The following ROR1 variants were observed in gnomAD, a reference collection of about 807,000 sequenced individuals.
The protein encoded by ROR1 is ROR family WNT receptor 1.
In ROR1, 19 loss-of-function variants were observed where a neutral mutation model predicts 78.8. That is an observed-to-expected ratio of 0.24 (90% CI 0.17 to 0.35). The LOEUF is 0.35. ROR1 is among the 10% of genes least tolerant of loss of function. The pLI, the probability that ROR1 is intolerant of heterozygous loss-of-function variation, is 1.00. For synonymous variants in ROR1, 386 were observed against 433.6 expected, an observed-to-expected ratio of 0.89 and a Z score of 1.36; for missense variants, 917 against 1,177.8, an observed-to-expected ratio of 0.78 and a Z score of 3.24.
At chr1:63,810,692 A>G (rs1003060331) in intron 1 of ROR1, among the ~76,000 whole-genome samples, 13 of 152,348 alleles carry the variant, frequency 8.5e-5, no homozygotes, top group Middle Eastern at 6.8e-3. Flanking sequence ...AGATGGAGGT[A>G]TCCACGTATG....
intron 2 of ROR1, among the ~76,000 whole-genome samples, chr1:64,026,901 C>T (rs937310891): frequency 6.6e-6 from 1 of 152,012 alleles, no homozygotes; most frequent in Non-Finnish European, 1.5e-5. Context: ...GGGTGGGGAC[C>T]CCAACCATAT....
At chr1:63,869,016 C>T (rs1372809301) in intron 1 of ROR1, among the ~76,000 whole-genome samples, 1 of 152,206 alleles carries the variant, frequency 6.6e-6, no homozygotes, top group African/African-American at 2.4e-5. Flanking sequence ...TTGTCCCCCA[C>T]AACCTTCTCT....
intron 8 of ROR1, among the ~76,000 whole-genome samples, chr1:64,166,462 A>G (rs1650091788): frequency 6.6e-6 from 1 of 152,194 alleles, no homozygotes; most frequent in African/African-American, 2.4e-5. Context: ...GGCCATTTTA[A>G]TGATATTGAT....
At chr1:64,120,193 A>G (rs1034507875) in intron 4 of ROR1, among the ~76,000 whole-genome samples, 4 of 151,870 alleles carry the variant, frequency 2.6e-5, no homozygotes, top group Non-Finnish European at 5.9e-5. Context: ...ATATCCAGAG[A>G]GCAGGATTCT....
At chr1:64,023,999 G>A (rs970486565) in intron 2 of ROR1, among the ~76,000 whole-genome samples, 1 of 152,126 alleles carries the variant, frequency 6.6e-6, no homozygotes, top group Non-Finnish European at 1.5e-5. Flanking sequence ...AAAGTGTGTG[G>A]CAGTTCCTCT....
At chr1:63,934,646 T>C (rs912192583) in intron 1 of ROR1, among the ~76,000 whole-genome samples, 1 of 152,250 alleles carries the variant, frequency 6.6e-6, no homozygotes, top group African/African-American at 2.4e-5. Context: ...AACACTTATT[T>C]AAATTTAACA....
At chr1:64,088,364 C>T (rs1265351544) in intron 4 of ROR1, among the ~76,000 whole-genome samples, 1 of 152,142 alleles carries the variant, frequency 6.6e-6, no homozygotes. Flanking sequence ...GCCACAGAGA[C>T]TGGTCCAAGG....
intron 1 of ROR1, chr1:63,843,096 C>T: frequency 1.7e-6 from 1 of 578,560 alleles, no homozygotes; most frequent in East Asian, 3.3e-5. Flanking sequence ...TGGGATCCCC[C>T]CAGCCCCTCT....
intron 4 of ROR1, among the ~76,000 whole-genome samples, chr1:64,122,129 C>T (rs1416483458): frequency 6.6e-6 from 1 of 152,150 alleles, no homozygotes; most frequent in Non-Finnish European, 1.5e-5. Context: ...TTTGTCTGAA[C>T]CCGAGATGTT....
At chr1:63,839,095 A>G (rs1013452533) in intron 1 of ROR1, among the ~76,000 whole-genome samples, 1 of 152,216 alleles carries the variant, frequency 6.6e-6, no homozygotes, top group African/African-American at 2.4e-5. Flanking sequence ...TTCTCAGAAC[A>G]TATCTGTTGT....
chr1:64,035,879 C>T (rs1244873002), intron 2 of ROR1, among the ~76,000 whole-genome samples: 1 of 152,104 alleles, frequency 6.6e-6, no homozygotes. Flanking sequence ...TGTTAAATTC[C>T]CCATCCACCT....
chr1:64,172,061 G>A (rs574042696), intron 8 of ROR1, among the ~76,000 whole-genome samples: 6 of 152,218 alleles, frequency 3.9e-5, no homozygotes, highest in Admixed American at 2.6e-4. Context: ...TCCATCTACA[G>A]CCACCAAGGT....
chr1:64,172,357 A>G (rs1650265567), intron 8 of ROR1, among the ~76,000 whole-genome samples: 1 of 152,246 alleles, frequency 6.6e-6, no homozygotes, highest in East Asian at 1.9e-4. Context: ...TAAAGAAAGA[A>G]GCATCTTGGA....
intron 1 of ROR1, among the ~76,000 whole-genome samples, chr1:63,909,894 G>A (rs1356826849): frequency 6.6e-6 from 1 of 152,126 alleles, no homozygotes; most frequent in Non-Finnish European, 1.5e-5. Context: ...TTGGCGTGCT[G>A]CAAAAAATAT....
intron 1 of ROR1, among the ~76,000 whole-genome samples, chr1:63,881,267 A>T: frequency 6.6e-6 from 1 of 152,192 alleles, no homozygotes; most frequent in East Asian, 1.9e-4. Context: ...AGAGTGTTCC[A>T]TGGGAAAACA....
intron 4 of ROR1, among the ~76,000 whole-genome samples, chr1:64,063,103 GAATGATA>G (rs1454036536): frequency 6.6e-6 from 1 of 152,306 alleles, no homozygotes. Context: ...TTGTAACCAA[GAATGATA>G]AATTGTGGAG....
intron 4 of ROR1, among the ~76,000 whole-genome samples, chr1:64,075,358 A>G (rs1490317285): frequency 6.6e-6 from 1 of 152,164 alleles, no homozygotes; most frequent in Admixed American, 6.5e-5. Flanking sequence ...CCAGATCACC[A>G]CAGTGTGATC....
chr1:63,863,229 CTT>C (rs1645192571), intron 1 of ROR1, among the ~76,000 whole-genome samples: 1 of 152,258 alleles, frequency 6.6e-6, no homozygotes, highest in African/African-American at 2.4e-5. Flanking sequence ...AACACTATCA[CTT>C]TAGTTCTTTT....
chr1:64,057,067 G>T (rs1210965058), intron 4 of ROR1, among the ~76,000 whole-genome samples: 1 of 152,000 alleles, frequency 6.6e-6, no homozygotes, highest in African/African-American at 2.4e-5. Context: ...GAAAACCATC[G>T]CCTGATGCAA....
Sources: allele counts gnomAD v4.1 joint callset (sites outside exome capture counted in the v4.1 genomes callset), GRCh38; gene constraint gnomAD v4.1.1; transcripts MANE v1.5; gene names NCBI Gene and HGNC (gene_info 2026-07-23, HGNC 2026-07-21).